GIPC1: variants seen among roughly 807,000 people sequenced by gnomAD.
GIPC1 encodes the protein GIPC PDZ domain containing family member 1.
A neutral mutation model predicts 28.5 loss-of-function variants in GIPC1; 15 were observed. The ratio of observed to expected loss-of-function variants is 0.53; its 90% confidence interval spans 0.35 to 0.81. The LOEUF (loss-of-function observed/expected upper bound fraction) is 0.81, where lower values mean the gene tolerates loss of function less well. Ranked by LOEUF, GIPC1 falls within the 30% of genes least tolerant of loss-of-function variation. The pLI is 0.01. For synonymous variants in GIPC1, 224 were observed against 206.1 expected (o/e 1.09, Z -0.74); for missense variants, 439 against 481.9 (o/e 0.91, Z 0.83).
In GIPC1 at chr19:14,478,646, GA is replaced by G; in HGVS notation, c.850+37del. On this transcript the variant is annotated intron_variant, in intron 8 of 8. Transcript: ENST00000393033. The surrounding 1 kb of genome is among the most constrained non-coding windows in gnomAD (Gnocchi z 5.2). ...CTCAGGGTGGATTCGGCCCCCAGCA[GA>G]CCTAGATGCCCCCTCCCCCAGGCAG... The G allele has an allele frequency of 6.2e-7, 1 of 1,610,830 alleles. No individual in the cohort carries two copies. The highest frequency in any genetic ancestry group is 8.5e-7 in the Non-Finnish European group (1 of 1,177,152).
chr19:14,486,873 T>C (rs1375392817), intron 3 of GIPC1, among the ~76,000 whole-genome samples: 2 of 151,718 alleles, frequency 1.3e-5, no homozygotes, highest in Non-Finnish European at 2.9e-5. Flanking sequence ...TGACCTCAAG[T>C]GATCCACCCG....
At chr19:14,484,986 C>A (rs1322105531) in intron 3 of GIPC1, among the ~76,000 whole-genome samples, 1 of 151,518 alleles carries the variant, frequency 6.6e-6, no homozygotes, top group Non-Finnish European at 1.5e-5. Flanking sequence ...ATGGTGAGAC[C>A]CCGTCTCTAC....
rs1568371792 is a variant in GIPC1 at position 14,496,076 on chromosome 19, T to TCCGCCGCCGCCGCCGCCGCC, written c.-215_-214insGGCGGCGGCGGCGGCGGCGG. ...CCGCCGCCGCCGCCGCCGCCGCCGCTGCCTCCGCCTCCCCGTGCGCACCCG... is the reference window on the plus strand; with the variant it reads ...CCGCCGCCGCCGCCGCCGCCGCCGCTCCGCCGCCGCCGCCGCCGCCGCCTCCGCCTCCCCGTGCGCACCCG... On this transcript the variant is annotated 5_prime_UTR_variant, in exon 1 of 9. Transcript: ENST00000393033. 6 of 203,662 alleles carry TCCGCCGCCGCCGCCGCCGCC rather than the reference T, an allele frequency of 2.9e-5. No homozygotes were observed. The highest frequency in any genetic ancestry group is 1.8e-4 in the African/African-American group (6 of 33,514). The allele number at this position is 203,662 out of a possible 1,614,324, so 12.6% of individuals were successfully genotyped here.
At chr19:14,485,840 G>C (rs893082133) in intron 3 of GIPC1, among the ~76,000 whole-genome samples, 3 of 150,544 alleles carry the variant, frequency 2.0e-5, no homozygotes, top group African/African-American at 7.3e-5. Flanking sequence ...GCGCGATCTC[G>C]GCTCACTGCA....
chr19:14,479,504 C>T lies in GIPC1; in HGVS notation c.676G>A (p.Ala226Thr), dbSNP rs767475011. 6.9e-6 allele frequency: 10 copies of T among 1,443,218 alleles called. No homozygotes were observed. The South Asian group carries it at 1.5e-4, about 21-fold the overall frequency. 89.4% of individuals were successfully genotyped at this position (1,443,218 alleles called of 1,614,324 possible). Residue 226 changes from alanine to threonine, a missense_variant, in exon 7 of 9, where the codon GCG (alanine) becomes ACG (threonine). Coordinates refer to ENST00000393033, the MANE Select transcript of GIPC1 (RefSeq NM_005716.4). ...GGGCCAGAGCCAGGGCGGCCACCCG[C>T]TGAACGCTGGCTGATCATGTCTGTG... ...KAFDMISQRS[A>T]GGRPGSGPQL...
chr19:14,483,039 G>T, intron 3 of GIPC1, 33 bp from the exon 4 acceptor site: 1 of 1,511,642 alleles, frequency 6.6e-7, no homozygotes, highest in Non-Finnish European at 9.0e-7. Flanking sequence ...CAGGGCCTGG[G>T]CAGAGGCCTT....
At position 14,478,692 on chromosome 19, in the gene GIPC1, G is replaced by A. The variant is rs771968155; in HGVS notation, c.842C>T (p.Thr281Met). The change falls in exon 8 of 9, where the codon ACG (threonine) becomes ATG (methionine). Residue 281 changes from threonine to methionine, a missense_variant. Physicochemically the swap from Thr to Met is moderately conservative, Grantham distance 81. Coordinates refer to ENST00000393033, the MANE Select transcript of GIPC1 (RefSeq NM_005716.4). This position sits in a 1 kb window ranked among gnomAD's most constrained non-coding sequence, Gnocchi z 5.2. The stretch of plus-strand genomic sequence containing the variant: ...AGGCAGCCCTCACTCACCCAGCTCC[G>A]TGTCCCTGATACCCATGTAACTCTC... Reference protein sequence around the residue: ...LLESYMGIRDTELAATMVELG... With the variant: ...LLESYMGIRDMELAATMVELG... The A allele has an allele frequency of 1.6e-5, 26 of 1,613,544 alleles. No homozygotes were observed. Among genetic ancestry groups the A allele is most frequent in the Admixed American group, 3.3e-5 (2 of 59,996 alleles).
chr19:14,495,223 G>C (rs1033466051), intron 1 of GIPC1, among the ~76,000 whole-genome samples: 9 of 151,836 alleles, frequency 5.9e-5, no homozygotes, highest in African/African-American at 2.2e-4. Context: ...GCCCTCTCCA[G>C]CTCTGGGGAG....
intron 4 of GIPC1, chr19:14,482,355 T>C: frequency 2.3e-6 from 1 of 425,698 alleles, no homozygotes. Flanking sequence ...CACAATCTAC[T>C]GGGGGTACAC....
chr19:14,481,552 CT>C (rs1459537299), intron 4 of GIPC1, among the ~76,000 whole-genome samples: 5 of 151,922 alleles, frequency 3.3e-5, no homozygotes, highest in African/African-American at 1.2e-4. Context: ...GAAATCCTGT[CT>C]CTACTAAAAA....
At chr19:14,482,627 A>ACC in intron 4 of GIPC1, 62 bp downstream of exon 4, 1 of 1,502,886 alleles carries the variant, frequency 6.7e-7, no homozygotes, top group Non-Finnish European at 9.2e-7. Context: ...CATGAACAGG[A>ACC]TGCAGGCCCA....
chr19:14,489,629 T>C (rs772574999), intron 3 of GIPC1: 1 of 1,093,760 alleles, frequency 9.1e-7, no homozygotes, highest in Non-Finnish European at 1.4e-6. Flanking sequence ...ATAATGGCTG[T>C]TCAGCAGAGA....
At chr19:14,485,597 A>G (rs2071815716) in intron 3 of GIPC1, among the ~76,000 whole-genome samples, 1 of 150,972 alleles carries the variant, frequency 6.6e-6, no homozygotes, top group Admixed American at 6.6e-5. Context: ...GTTGGCAGTG[A>G]GCAGAGATCG....
chr19:14,482,811 G>A lies in GIPC1; in HGVS notation c.166C>T (p.Pro56Ser). The A allele has an allele frequency of 1.3e-6, 2 of 1,594,742 alleles. No individual in the cohort carries two copies. Among genetic ancestry groups the A allele is most frequent in the South Asian group, 2.2e-5 (2 of 89,202 alleles). ...GLPPPPPALRPRLVFHTQLAH... is the reference protein window; with the variant it reads ...GLPPPPPALRSRLVFHTQLAH... ...AGCTGGGTGTGGAACACGAGGCGGG[G>A]CCGCAGGGCTGGGGGAGGGGGGGGC... The change falls in exon 4 of 9, where the codon CCC becomes TCC. Residue 56 changes from proline to serine, a missense_variant. Transcript: ENST00000393033.
At chr19:14,488,786 A>AG (rs1043624632) in intron 3 of GIPC1, among the ~76,000 whole-genome samples, 13 of 151,452 alleles carry the variant, frequency 8.6e-5, no homozygotes, top group African/African-American at 2.2e-4. Context: ...AAAAAAAAAA[A>AG]AAAGAAAGAA....
intron 1 of GIPC1, among the ~76,000 whole-genome samples, chr19:14,493,547 T>C (rs1396343863): frequency 6.6e-6 from 1 of 152,018 alleles, no homozygotes; most frequent in Non-Finnish European, 1.5e-5. Context: ...AACCTCCACC[T>C]CCTGGGTTCA....
rs144123613 is a variant in GIPC1 at position 14,482,691 on chromosome 19, C to T, written c.286G>A (p.Glu96Lys). 6.8e-6 allele frequency: 11 copies of T among 1,611,234 alleles called. No individual in the cohort carries two copies. The highest frequency in any genetic ancestry group is 1.1e-5 in the South Asian group (1 of 90,924). Residue 96 changes from glutamate (E) to lysine (K), a missense_variant and splice_region_variant, in exon 4 of 9, where the codon GAG becomes AAG. Transcript: ENST00000393033. The stretch of plus-strand genomic sequence containing the variant: ...GTGCCCGGCTCCCCAGTGGATACCT[C>T]GGCAGTTGGCAGGCGGAAGGCCTCG... ...IAEAFRLPTA[E>K]VMFCTLNTHK...
chr19:14,489,653 T>C (rs1244713905), intron 3 of GIPC1: 2 of 887,046 alleles, frequency 2.3e-6, no homozygotes, highest in East Asian at 4.8e-5. Flanking sequence ...CCATGTCCTC[T>C]CTCCATAGGG....
chr19:14,489,976 GTC>G (rs1000233985), intron 3 of GIPC1, among the ~76,000 whole-genome samples: 3 of 152,000 alleles, frequency 2.0e-5, no homozygotes, highest in African/African-American at 7.3e-5. Flanking sequence ...AGTGGGAGGT[GTC>G]TGTGTTATGG....
Sources: allele counts gnomAD v4.1 joint callset (sites outside exome capture counted in the v4.1 genomes callset), GRCh38; gene constraint gnomAD v4.1.1; non-coding constraint Gnocchi (gnomAD v3.1); transcripts MANE v1.5; gene names NCBI Gene and HGNC (gene_info 2026-07-23, HGNC 2026-07-21).